MYO9A: variants seen among roughly 807,000 people sequenced by gnomAD.
MYO9A encodes the protein myosin IXA.
In MYO9A, 103 loss-of-function variants were observed where a neutral mutation model predicts 293.3. The observed-to-expected ratio is 0.35, with a 90% CI of 0.30 to 0.41. The LOEUF (loss-of-function observed/expected upper bound fraction) is 0.41. Ranked by LOEUF, MYO9A falls within the 10% of genes least tolerant of loss-of-function variation. The pLI is 1.00. For synonymous variants in MYO9A, 1,001 were observed against 1,035.7 expected, an observed-to-expected ratio of 0.97 and a Z score of 0.64; for missense variants, 2,685 against 3,033.0, an observed-to-expected ratio of 0.89 and a Z score of 2.69.
chr15:71,826,872 T>C lies in MYO9A; in HGVS notation c.7355A>G (p.Gln2452Arg). The change falls in exon 42 of 42, where the codon CAG becomes CGG. Residue 2452 changes from glutamine (Q) to arginine (R), a missense_variant. Around this residue, in one of 10 missense-constraint regions of MYO9A, gnomAD observed 350 missense variants for 328.9 expected, o/e 1.06. Transcript: ENST00000356056. ...ASSHGTRKLF[Q>R]IYSKSPFYRA... ...GTAGAATGGAGATTTGGAATAAATC[T>C]GAAATAGTTTTCTGGTCCCATGAGA... 1 of 1,614,160 alleles carries C rather than the reference T, an allele frequency of 6.2e-7. No homozygotes were observed. The highest frequency in any genetic ancestry group is 8.5e-7 in the Non-Finnish European group (1 of 1,180,006).
intron 35 of MYO9A, among the ~76,000 whole-genome samples, chr15:71,853,800 G>A (rs1261338693): frequency 6.6e-6 from 1 of 152,176 alleles, no homozygotes; most frequent in East Asian, 1.9e-4. Flanking sequence ...TGTCATCAGT[G>A]TAGGCAGGCA....
intron 27 of MYO9A, among the ~76,000 whole-genome samples, chr15:71,887,699 T>C (rs1001232967): frequency 6.6e-6 from 1 of 152,282 alleles, no homozygotes; most frequent in African/African-American, 2.4e-5. Flanking sequence ...ATGATGTGCA[T>C]GCACTGTATG....
intron 18 of MYO9A, among the ~76,000 whole-genome samples, chr15:71,926,571 G>A (rs71395049): frequency 0.013 from 2,025 of 152,248 alleles, 19 homozygotes; most frequent in East Asian, 0.024. Context: ...GCCGGGCATG[G>A]TGGTACATGC....
At chr15:72,106,108 G>A (rs1237117199) in intron 1 of MYO9A, among the ~76,000 whole-genome samples, 1 of 151,498 alleles carries the variant, frequency 6.6e-6, no homozygotes, top group Non-Finnish European at 1.5e-5. Context: ...AAAATATTAG[G>A]ATGATTAATC....
At chr15:72,039,075 T>C (rs191401025) in intron 2 of MYO9A, among the ~76,000 whole-genome samples, 2 of 152,244 alleles carry the variant, frequency 1.3e-5, no homozygotes, top group East Asian at 1.9e-4. Flanking sequence ...GGGCCAAAGA[T>C]AGAGACTTTT....
intron 9 of MYO9A, chr15:71,999,217 C>G (rs2076794024): frequency 1.3e-5 from 2 of 152,006 alleles, no homozygotes; most frequent in South Asian, 4.1e-4. Flanking sequence ...CTTGACATCA[C>G]TTTCATAAAA....
chr15:71,827,764 G>A, intron 41 of MYO9A, 120 bp downstream of exon 41: 1 of 1,156,400 alleles, frequency 8.6e-7, no homozygotes, highest in Non-Finnish European at 1.2e-6. Context: ...AATTCCTCAA[G>A]ACTTTGTTAT....
At chr15:72,108,588 T>C (rs965676921) in intron 1 of MYO9A, among the ~76,000 whole-genome samples, 8 of 152,156 alleles carry the variant, frequency 5.3e-5, no homozygotes, top group Non-Finnish European at 1.0e-4. Flanking sequence ...GTGAGTTCTC[T>C]TTTGAAAAAA....
chr15:71,905,154 C>G (rs1418149381), intron 19 of MYO9A, 148 bp from the exon 20 acceptor site: 1 of 490,298 alleles, frequency 2.0e-6, no homozygotes, highest in East Asian at 3.2e-5. Flanking sequence ...TGTGTATATT[C>G]TCATACTGGT....
intron 9 of MYO9A, among the ~76,000 whole-genome samples, chr15:71,996,638 C>T (rs990618391): frequency 1.3e-5 from 2 of 151,918 alleles, no homozygotes; most frequent in African/African-American, 4.9e-5. Flanking sequence ...CCTTTGTTTG[C>T]CTTGCTTCCC....
chr15:71,947,946 C>A (rs1370424262), intron 15 of MYO9A, among the ~76,000 whole-genome samples: 4 of 152,168 alleles, frequency 2.6e-5, no homozygotes, highest in Non-Finnish European at 4.4e-5. Context: ...CTCATGCTCC[C>A]CAAAACTTCA....
chr15:72,054,607 G>A (rs369613494), intron 1 of MYO9A, among the ~76,000 whole-genome samples: 179 of 145,444 alleles, frequency 1.2e-3, no homozygotes, highest in African/African-American at 3.7e-3. Context: ...GGAGGCAGAC[G>A]TTGAAGTGAG....
intron 12 of MYO9A, among the ~76,000 whole-genome samples, chr15:71,968,572 A>T (rs1413269809): frequency 6.6e-5 from 10 of 152,214 alleles, no homozygotes; most frequent in Non-Finnish European, 1.0e-4. Context: ...TACATGCATA[A>T]ATAAGTAGCC....
At chr15:72,072,072 CA>C (rs34367978) in intron 1 of MYO9A, among the ~76,000 whole-genome samples, 3,656 of 66,952 alleles carry the variant, frequency 0.055, 56 homozygotes, top group African/African-American at 0.091. Context: ...GAGCCCATGT[CA>C]AAAAAAAAAA....
At chr15:71,917,890 A>G (rs1306959988) in intron 18 of MYO9A, among the ~76,000 whole-genome samples, 1 of 152,218 alleles carries the variant, frequency 6.6e-6, no homozygotes, top group African/African-American at 2.4e-5. Context: ...AAACCATGCA[A>G]ATTGAAAGAA....
At chr15:71,943,281 A>G (rs1259447991) in intron 15 of MYO9A, among the ~76,000 whole-genome samples, 1 of 152,018 alleles carries the variant, frequency 6.6e-6, no homozygotes, top group East Asian at 1.9e-4. Context: ...CAATTTATTT[A>G]ATTATACTGA....
chr15:72,035,809 A>G (rs1237378016), intron 2 of MYO9A, among the ~76,000 whole-genome samples: 1 of 152,096 alleles, frequency 6.6e-6, no homozygotes, highest in Non-Finnish European at 1.5e-5. Flanking sequence ...GGGCCTCAAA[A>G]AAATAAAAAA....
intron 11 of MYO9A, among the ~76,000 whole-genome samples, chr15:71,981,463 T>C (rs1469385774): frequency 6.6e-6 from 1 of 152,274 alleles, no homozygotes; most frequent in Non-Finnish European, 1.5e-5. Flanking sequence ...TTAATAGTTA[T>C]AGAAACAGAT....
intron 19 of MYO9A, among the ~76,000 whole-genome samples, chr15:71,906,110 G>A (rs952488211): frequency 2.0e-5 from 3 of 151,904 alleles, no homozygotes; most frequent in Admixed American, 6.6e-5. Flanking sequence ...TTTAGAAGTC[G>A]CTTTTACATA....
Sources: allele counts gnomAD v4.1 joint callset (sites outside exome capture counted in the v4.1 genomes callset), GRCh38; gene constraint gnomAD v4.1.1; regional missense constraint gnomAD v4.1.1; transcripts MANE v1.5; gene names NCBI Gene and HGNC (gene_info 2026-07-23, HGNC 2026-07-21).